The following OR6N1 variants were observed in gnomAD, a reference collection of about 807,000 sequenced individuals.
OR6N1 encodes the protein olfactory receptor 6N1.
For missense variants in OR6N1, 394 were observed against 371.7 expected (o/e 1.06, Z -0.49); for synonymous variants, 170 against 150.7 (o/e 1.13, Z -0.94).
the OR6N1 span, among the ~76,000 whole-genome samples, chr1:158,779,056 T>C: frequency 7.3e-6 from 1 of 136,912 alleles, no homozygotes; most frequent in Admixed American, 7.3e-5. Context: ...AAAACAAACA[T>C]GATAGAGTGG....
At chr1:158,777,697 G>A in the OR6N1 span, 2 of 1,051,308 alleles carry the variant, frequency 1.9e-6, no homozygotes, top group Non-Finnish European at 2.8e-6. Flanking sequence ...CTGAATCCAT[G>A]CCAAAACTTC....
chr1:158,773,505 A>G (rs1190058006), upstream of OR6N1, among the ~76,000 whole-genome samples: 1 of 152,088 alleles, frequency 6.6e-6, no homozygotes, highest in East Asian at 1.9e-4. Flanking sequence ...TCCCCTCCAA[A>G]TGATATTCTG....
the OR6N1 span, among the ~76,000 whole-genome samples, chr1:158,797,163 C>T: frequency 6.6e-6 from 1 of 152,230 alleles, no homozygotes; most frequent in African/African-American, 2.4e-5. Flanking sequence ...CTAGCCCCAC[C>T]TGCCCCCTTT....
the OR6N1 span, among the ~76,000 whole-genome samples, chr1:158,815,965 C>T: frequency 3.3e-5 from 5 of 151,880 alleles, no homozygotes; most frequent in South Asian, 2.1e-4. Context: ...ACCATCCTGG[C>T]TAACATGGTG....
At chr1:158,781,666 G>A in the OR6N1 span, among the ~76,000 whole-genome samples, 2 of 152,160 alleles carry the variant, frequency 1.3e-5, no homozygotes, top group Admixed American at 1.3e-4. Context: ...CTGATAATGT[G>A]CTGAATCCCA....
the OR6N1 span, among the ~76,000 whole-genome samples, chr1:158,827,637 A>C: frequency 1.3e-5 from 2 of 152,230 alleles, no homozygotes; most frequent in Non-Finnish European, 1.5e-5. Context: ...TTAGAACAGT[A>C]ATGATCCTAG....
chr1:158,781,394 G>A, the OR6N1 span, among the ~76,000 whole-genome samples: 3 of 152,206 alleles, frequency 2.0e-5, no homozygotes, highest in Non-Finnish European at 4.4e-5. Flanking sequence ...CTCCTGGGAA[G>A]CCAAGTTTAC....
At chr1:158,787,604 CTCTATCTA>C in the OR6N1 span, among the ~76,000 whole-genome samples, 4 of 130,002 alleles carry the variant, frequency 3.1e-5, no homozygotes, top group Non-Finnish European at 4.7e-5. Flanking sequence ...CTCTCTCTCT[CTCTATCTA>C]TCTCTCTATC....
chr1:158,807,729 T>C, the OR6N1 span, among the ~76,000 whole-genome samples: 1 of 152,354 alleles, frequency 6.6e-6, no homozygotes, highest in Non-Finnish European at 1.5e-5. Context: ...TCCAAGAATC[T>C]TATCTTGACT....
upstream of OR6N1, chr1:158,776,396 A>G: frequency 4.0e-6 from 1 of 249,190 alleles, no homozygotes; most frequent in Middle Eastern, 1.3e-3. Context: ...GGAAAAAGGA[A>G]CAGAGAAATC....
At chr1:158,806,019 A>G in the OR6N1 span, among the ~76,000 whole-genome samples, 1 of 152,192 alleles carries the variant, frequency 6.6e-6, no homozygotes, top group Non-Finnish European at 1.5e-5. Context: ...TATTACTATA[A>G]TTACCTATTA....
At chr1:158,798,903 A>G in the OR6N1 span, among the ~76,000 whole-genome samples, 1 of 152,186 alleles carries the variant, frequency 6.6e-6, no homozygotes, top group Non-Finnish European at 1.5e-5. Context: ...GCAGAGCAGA[A>G]CACACAAACC....
the OR6N1 span, among the ~76,000 whole-genome samples, chr1:158,801,421 A>G: frequency 1.3e-5 from 2 of 152,162 alleles, no homozygotes; most frequent in Admixed American, 1.3e-4. Context: ...TGAACAGACA[A>G]AGTACATTTT....
the OR6N1 span, among the ~76,000 whole-genome samples, chr1:158,833,931 T>G: frequency 6.6e-6 from 1 of 152,220 alleles, no homozygotes; most frequent in Admixed American, 6.5e-5. Context: ...AATCATATTT[T>G]TTTCATAGCA....
At chr1:158,821,818 T>C in the OR6N1 span, among the ~76,000 whole-genome samples, 5 of 152,160 alleles carry the variant, frequency 3.3e-5, no homozygotes, top group African/African-American at 1.2e-4. Context: ...AGTACTGGAA[T>C]GTATGAGTAT....
At chr1:158,779,076 T>C in the OR6N1 span, among the ~76,000 whole-genome samples, 3 of 148,158 alleles carry the variant, frequency 2.0e-5, no homozygotes, top group Non-Finnish European at 4.5e-5. Flanking sequence ...GCAATAAACA[T>C]GCATCTTGTG....
In OR6N1 at chr1:158,765,768, T is replaced by C. The variant is rs1389788593; in HGVS notation, c.915A>G (p.Leu305=). 2 of 1,613,846 alleles carry C rather than the reference T, an allele frequency of 1.2e-6. No individual in the cohort carries two copies. Among genetic ancestry groups the C allele is most frequent in the African/African-American group, 1.3e-5 (1 of 75,056 alleles). The change falls in exon 2 of 2, where the codon CTA becomes CTG. Residue 305 remains leucine (L), a synonymous_variant. Coordinates refer to ENST00000641846, the MANE Select transcript of OR6N1 (RefSeq NM_001005185.2). ...CTCATGCCAATATCCCAATTCTCTT[T>C]AGCTGCCTCCTCACAGCCTCCTTGA... ...KEIKEAVRRQ[L]KRIGILA
chr1:158,767,566 C>T (rs1358871955), intron 1 of OR6N1, among the ~76,000 whole-genome samples: 1 of 152,128 alleles, frequency 6.6e-6, no homozygotes, highest in Non-Finnish European at 1.5e-5. Context: ...AGGGACTAAA[C>T]AAATAAAATG....
the OR6N1 span, among the ~76,000 whole-genome samples, chr1:158,802,468 C>A: frequency 6.6e-6 from 1 of 151,876 alleles, no homozygotes; most frequent in Non-Finnish European, 1.5e-5. Context: ...TTGGCCTCCC[C>A]GTCATAGCTT....
Sources: gnomAD v4.1 joint callset for allele counts (sites outside exome capture counted in the v4.1 genomes callset) on GRCh38, gnomAD v4.1.1 for gene constraint, MANE v1.5 for transcripts, NCBI Gene and HGNC (gene_info 2026-07-23, HGNC 2026-07-21) for gene names.